The following PPARGC1B variants were observed in gnomAD, a reference collection of about 807,000 sequenced individuals.
PPARGC1B encodes PPARG coactivator 1 beta, also known as peroxisome proliferator-activated receptor gamma coactivator 1-beta.
A neutral mutation model predicts 101.6 loss-of-function variants in PPARGC1B; 34 were observed. That is an observed-to-expected ratio of 0.33 (90% CI 0.25 to 0.45). The LOEUF (loss-of-function observed/expected upper bound fraction) is 0.45, where lower values mean the gene tolerates loss of function less well. Among genes scored for constraint, PPARGC1B ranks in the 20% least tolerant of loss-of-function variants. The probability of loss-of-function intolerance (pLI) is 1.00; values close to 1 mark genes in which losing one functional copy is unlikely to be tolerated. For synonymous variants in PPARGC1B, 548 were observed against 539.3 expected, an observed-to-expected ratio of 1.02 and a Z score of -0.22; for missense variants, 1,234 against 1,317.6, an observed-to-expected ratio of 0.94 and a Z score of 0.98.
At chr5:149,810,024 C>G (rs1385658798) in intron 1 of PPARGC1B, among the ~76,000 whole-genome samples, 1 of 152,158 alleles carries the variant, frequency 6.6e-6, no homozygotes, top group African/African-American at 2.4e-5. Context: ...CACAACTGTT[C>G]CAGGAGGGAG....
chr5:149,834,044 G>C (rs1758941215), intron 5 of PPARGC1B, among the ~76,000 whole-genome samples: 1 of 152,246 alleles, frequency 6.6e-6, no homozygotes, highest in African/African-American at 2.4e-5. Flanking sequence ...CAGTCAAAAA[G>C]TAAACAGAAA....
At chr5:149,786,392 A>C (rs544522369) in intron 1 of PPARGC1B, among the ~76,000 whole-genome samples, 5 of 152,088 alleles carry the variant, frequency 3.3e-5, no homozygotes, top group African/African-American at 1.2e-4. Flanking sequence ...CACCGCACCC[A>C]GCCAGATTTT....
At position 149,801,912 on chromosome 5, in the gene PPARGC1B, A is replaced by G. The variant is rs927598002; in HGVS notation, c.79-18521A>G. 3.9e-4 allele frequency among the ~76,000 whole-genome samples: 60 copies of G among 152,338 alleles called. 1 individual carries two copies. Among genetic ancestry groups the G allele is most frequent in the Admixed American group, 3.5e-3 (54 of 15,302 alleles). On this transcript the variant is annotated intron_variant, in intron 1 of 11. Coordinates refer to ENST00000309241, the MANE Select transcript of PPARGC1B (RefSeq NM_133263.4). ...CACTGATGGCCATTGTCTTTTGAGT[A>G]TCTACTTTGCACTAGACACTATGTG...
chr5:149,755,046 C>CATATATATATAT (rs1385735590), intron 1 of PPARGC1B, among the ~76,000 whole-genome samples: 160 of 105,552 alleles, frequency 1.5e-3, no homozygotes, highest in African/African-American at 5.6e-3. Context: ...TATACATATA[C>CATATATATATAT]ATATACATAT....
chr5:149,841,900 G>T (rs574877108), intron 9 of PPARGC1B, among the ~76,000 whole-genome samples: 24 of 152,090 alleles, frequency 1.6e-4, no homozygotes, highest in Non-Finnish European at 3.2e-4. Context: ...TCCTGTGCTT[G>T]CCCTACCCCA....
rs954094255 is a variant in PPARGC1B, at chr5:149,851,730, T to C, written c.*4172T>C. On this transcript the variant is annotated 3_prime_UTR_variant, in exon 12 of 12. Coordinates refer to ENST00000309241, the MANE Select transcript of PPARGC1B (RefSeq NM_133263.4). Reference sequence around the variant, plus strand: ...ACACACAGATGGGCTCCAGGTCTGCTCGTCAAGTTTGGAGGTACCGGGTAA... The same window carrying C: ...ACACACAGATGGGCTCCAGGTCTGCCCGTCAAGTTTGGAGGTACCGGGTAA... The C allele has an allele frequency of 2.6e-5, 4 of 152,202 alleles. No individual in the cohort carries two copies. Among genetic ancestry groups the C allele is most frequent in the African/African-American group, 9.7e-5 (4 of 41,432 alleles). 9.4% of individuals were successfully genotyped at this position (152,202 alleles called of 1,614,324 possible). A position where few individuals can be genotyped will look rare whatever the true frequency, so the allele number is the denominator to read the frequency against.
At chr5:149,789,473 G>A (rs7725338) in intron 1 of PPARGC1B, among the ~76,000 whole-genome samples, 33,581 of 152,090 alleles carry the variant, frequency 0.22, 4,796 homozygotes, top group African/African-American at 0.4. Context: ...AGGAGGATCA[G>A]ATGAAATAAT....
intron 1 of PPARGC1B, among the ~76,000 whole-genome samples, chr5:149,752,225 T>C (rs1329366571): frequency 1.3e-5 from 2 of 152,364 alleles, no homozygotes; most frequent in Admixed American, 1.3e-4. Context: ...CGTTAATATG[T>C]ACAGAACAAG....
chr5:149,804,902 C>G (rs1757542569), intron 1 of PPARGC1B, among the ~76,000 whole-genome samples: 1 of 152,188 alleles, frequency 6.6e-6, no homozygotes. Flanking sequence ...GGTGAGAAAG[C>G]AGGCAGGCTC....
intron 1 of PPARGC1B, among the ~76,000 whole-genome samples, chr5:149,754,935 C>T (rs1231573127): frequency 6.7e-6 from 1 of 150,056 alleles, no homozygotes; most frequent in Non-Finnish European, 1.5e-5. Context: ...GCACGCGCCA[C>T]CATGCCTGAC....
chr5:149,857,664 G>A (rs374381431), downstream of PPARGC1B, among the ~76,000 whole-genome samples: 9 of 152,288 alleles, frequency 5.9e-5, no homozygotes, highest in South Asian at 2.1e-4. Context: ...GGGCCCATGC[G>A]TCAGGAGCCC....
At chr5:149,816,333 G>T (rs1758052716) in intron 1 of PPARGC1B, among the ~76,000 whole-genome samples, 1 of 152,246 alleles carries the variant, frequency 6.6e-6, no homozygotes, top group Admixed American at 6.5e-5. Context: ...AAAGGAGGCG[G>T]TATGGTTTCG....
At chr5:149,819,290 T>C (rs889484899) in intron 1 of PPARGC1B, among the ~76,000 whole-genome samples, 5 of 152,236 alleles carry the variant, frequency 3.3e-5, no homozygotes, top group African/African-American at 4.8e-5. Context: ...TCTTTTCCTG[T>C]GTGTTTGCAT....
chr5:149,766,998 C>G (rs934795210), intron 1 of PPARGC1B, among the ~76,000 whole-genome samples: 1 of 152,180 alleles, frequency 6.6e-6, no homozygotes, highest in Non-Finnish European at 1.5e-5. Flanking sequence ...ACGAGGCTGT[C>G]GGAGATGAGG....
At chr5:149,732,541 G>A (rs988547379) in intron 1 of PPARGC1B, among the ~76,000 whole-genome samples, 1 of 152,238 alleles carries the variant, frequency 6.6e-6, no homozygotes, top group Admixed American at 6.5e-5. Context: ...GAATACTCAG[G>A]TGTTTGCAGG....
At chr5:149,810,991 A>G (rs1757834100) in intron 1 of PPARGC1B, among the ~76,000 whole-genome samples, 1 of 152,100 alleles carries the variant, frequency 6.6e-6, no homozygotes, top group African/African-American at 2.4e-5. Flanking sequence ...ATCTAATGAG[A>G]GTGGAAACTA....
downstream of PPARGC1B, among the ~76,000 whole-genome samples, chr5:149,855,952 A>T (rs1213999699): frequency 2.6e-5 from 4 of 151,932 alleles, no homozygotes; most frequent in African/African-American, 9.7e-5. Flanking sequence ...CCCCATCTCT[A>T]CTAACAATAC....
chr5:149,753,380 A>G (rs1755387728), intron 1 of PPARGC1B, among the ~76,000 whole-genome samples: 1 of 151,174 alleles, frequency 6.6e-6, no homozygotes, highest in African/African-American at 2.4e-5. Flanking sequence ...CTAATTTTTT[A>G]TATTTTTGGT....
chr5:149,838,123 T>C (rs1002736774), intron 8 of PPARGC1B, among the ~76,000 whole-genome samples: 17 of 152,254 alleles, frequency 1.1e-4, no homozygotes, highest in African/African-American at 4.1e-4. Flanking sequence ...AAAAAAAAAT[T>C]TTTTTTTGTT....
Sources: allele counts gnomAD v4.1 joint callset (sites outside exome capture counted in the v4.1 genomes callset), GRCh38; gene constraint gnomAD v4.1.1; transcripts MANE v1.5; gene names NCBI Gene and HGNC (gene_info 2026-07-23, HGNC 2026-07-21).